The following TRDMT1 variants were observed in gnomAD, a reference collection of about 807,000 sequenced individuals.
TRDMT1 encodes tRNA (cytosine(38)-C(5))-methyltransferase.
A neutral mutation model predicts 51.2 loss-of-function variants in TRDMT1; 49 were observed. The observed-to-expected ratio is 0.96, with a 90% CI of 0.76 to 1.21. The LOEUF is 1.21. TRDMT1 is among the 50% of genes most tolerant of loss of function. The probability of loss-of-function intolerance (pLI) is 0.00; values close to 1 mark genes in which losing one functional copy is unlikely to be tolerated. For synonymous variants in TRDMT1, 187 were observed against 164.6 expected, an observed-to-expected ratio of 1.14 and a Z score of -1.04; for missense variants, 534 against 462.3, an observed-to-expected ratio of 1.16 and a Z score of -1.42.
rs1294012740 is a variant in TRDMT1 at position 17,137,804 on chromosome 10, T to C, written c.*11236A>G. 1.4e-5 allele frequency among the ~76,000 whole-genome samples: 2 copies of C among 144,466 alleles called. No homozygotes were observed. The highest frequency in any genetic ancestry group is 5.2e-5 in the African/African-American group (2 of 38,168). The allele number at this position is 144,466 out of a possible 152,430, so 94.8% of individuals were successfully genotyped here. A position where few individuals can be genotyped will look rare whatever the true frequency, so the allele number is the denominator to read the frequency against. On this transcript the variant is annotated 3_prime_UTR_variant, in exon 11 of 11. Coordinates refer to ENST00000377799, the MANE Select transcript of TRDMT1 (RefSeq NM_004412.7). ...AGCCGAGAGCCACTGCACTCCAGCC[T>C]GGGTGACAGAGCGAAACTCTGCCAA...
intron 1 of TRDMT1, among the ~76,000 whole-genome samples, chr10:17,198,828 T>G (rs775405954): frequency 6.6e-6 from 1 of 152,222 alleles, no homozygotes; most frequent in Non-Finnish European, 1.5e-5. Context: ...AATAAAAAAA[T>G]TCCATTATGA....
Position 17,174,411 on chromosome 10 carries a change from A to G in TRDMT1, c.174+140T>C, listed in dbSNP as rs1842398900. 21 of 569,462 alleles carry G rather than the reference A, an allele frequency of 3.7e-5. 1 individual carries two copies. The East Asian group carries it at 6.3e-4, about 17-fold the overall frequency. The allele number at this position is 569,462 out of a possible 1,614,324, so 35.3% of individuals were successfully genotyped here. ...ATGCTATCTTCTGATAGGATATAAA[A>G]TGTTAATCTCCTTCTCCTGAACTCT... is the stretch of plus-strand genomic sequence containing the variant. On this transcript the variant is annotated intron_variant, in intron 2 of 10. Transcript: ENST00000377799.
At chr10:17,155,627 A>C (rs999958620) in intron 8 of TRDMT1, among the ~76,000 whole-genome samples, 6 of 152,170 alleles carry the variant, frequency 3.9e-5, no homozygotes, top group African/African-American at 1.2e-4. Flanking sequence ...AGTATAAAAC[A>C]CTTCAGAAAT....
intron 1 of TRDMT1, among the ~76,000 whole-genome samples, chr10:17,180,710 T>C (rs1309019753): frequency 6.6e-6 from 1 of 152,170 alleles, no homozygotes; most frequent in East Asian, 1.9e-4. Flanking sequence ...TTAGGTGAAA[T>C]AGTGCCGTGC....
At position 17,162,377 on chromosome 10, in the gene TRDMT1, G is replaced by C. The variant is rs532567503; in HGVS notation, c.252-140C>G. The C allele has an allele frequency of 5.1e-5, 37 of 726,286 alleles. No individual in the cohort carries two copies. The South Asian group carries it at 6.5e-4, about 13-fold the overall frequency. The allele number at this position is 726,286 out of a possible 1,614,324, so 45.0% of individuals were successfully genotyped here. A position where few individuals can be genotyped will look rare whatever the true frequency, so the allele number is the denominator to read the frequency against. On this transcript the variant is annotated intron_variant, in intron 3 of 10. Coordinates refer to ENST00000377799, the MANE Select transcript of TRDMT1 (RefSeq NM_004412.7). Reference sequence around the variant, plus strand: ...CCTCACAAAAAATAGGGTCATCTTTGTTGTTACAGAGAAGAAAATACATTT... The same window carrying C: ...CCTCACAAAAAATAGGGTCATCTTTCTTGTTACAGAGAAGAAAATACATTT...
Position 17,153,496 on chromosome 10 carries a change from A to T in TRDMT1, c.1075+11T>A. 6.2e-7 allele frequency: 1 copy of T among 1,613,700 alleles called. No homozygotes were observed. Among genetic ancestry groups the T allele is most frequent in the Non-Finnish European group, 8.5e-7 (1 of 1,179,854 alleles). On this transcript the variant is annotated intron_variant, in intron 10 of 10. Coordinates refer to ENST00000377799, the MANE Select transcript of TRDMT1 (RefSeq NM_004412.7). ...TACATGAAAGCTGAATTCTGCACGT[A>T]TCCCACATACCGAACTCTGGAGGAA...
intron 7 of TRDMT1, among the ~76,000 whole-genome samples, chr10:17,158,095 G>A (rs1179155993): frequency 6.6e-6 from 1 of 151,932 alleles, no homozygotes; most frequent in Non-Finnish European, 1.5e-5. Context: ...ATCTTATTTG[G>A]AAAAGAAGTT....
At chr10:17,168,565 C>A (rs1841523826) in intron 3 of TRDMT1, among the ~76,000 whole-genome samples, 1 of 152,078 alleles carries the variant, frequency 6.6e-6, no homozygotes, top group Non-Finnish European at 1.5e-5. Flanking sequence ...ATCATGGGGG[C>A]AGGTCTCTGC....
intron 5 of TRDMT1, 46 bp from the exon 6 acceptor site, chr10:17,160,420 T>C: frequency 1.5e-6 from 2 of 1,304,944 alleles, no homozygotes; most frequent in South Asian, 1.5e-5. Context: ...GGAAAGGCAG[T>C]TCTTATTTAA....
rs754409225 is a variant in TRDMT1 at position 17,147,298 on chromosome 10, T to G, written c.*1742A>C. The G allele has an allele frequency of 4.1e-6, 4 of 985,644 alleles. No individual in the cohort carries two copies. Among genetic ancestry groups the G allele is most frequent in the Non-Finnish European group, 4.8e-6 (4 of 829,890 alleles). 61.1% of individuals were successfully genotyped at this position (985,644 alleles called of 1,614,324 possible). A position where few individuals can be genotyped will look rare whatever the true frequency, so the allele number is the denominator to read the frequency against. On this transcript the variant is annotated 3_prime_UTR_variant, in exon 11 of 11. Coordinates refer to ENST00000377799, the MANE Select transcript of TRDMT1 (RefSeq NM_004412.7). ...ATATGAAAAATGTAGATAGTGATAG[T>G]TTCTGTATATGGGCTGGCTTACAGC...
Position 17,141,860 on chromosome 10 carries a change from T to C in TRDMT1, c.*7180A>G, listed in dbSNP as rs998434305. Among the ~76,000 whole-genome samples, 19 of 152,376 alleles carry C rather than the reference T, an allele frequency of 1.2e-4. No homozygotes were observed. Among genetic ancestry groups the C allele is most frequent in the African/African-American group, 3.8e-4 (16 of 41,590 alleles). ...CCAAGACACATCATAATTAAATTTC[T>C]GAAAATAAAGTTAATGTAACAGACA... On this transcript the variant is annotated 3_prime_UTR_variant, in exon 11 of 11. Coordinates refer to ENST00000377799, the MANE Select transcript of TRDMT1 (RefSeq NM_004412.7).
chr10:17,148,716 T>C lies in TRDMT1; in HGVS notation c.*324A>G. On this transcript the variant is annotated 3_prime_UTR_variant, in exon 11 of 11. Coordinates refer to ENST00000377799, the MANE Select transcript of TRDMT1 (RefSeq NM_004412.7). ...ATGCCTGTTATGACACTTCACAAGA[T>C]ACTCATGTAGACACTAAAGCTCTAG... 1.0e-6 allele frequency: 1 copy of C among 994,994 alleles called. No homozygotes were observed. The highest frequency in any genetic ancestry group is 1.2e-6 in the Non-Finnish European group (1 of 836,106). 61.6% of individuals were successfully genotyped at this position (994,994 alleles called of 1,614,324 possible). A position where few individuals can be genotyped will look rare whatever the true frequency, so the allele number is the denominator to read the frequency against.
chr10:17,198,009 G>C (rs1845677159), intron 1 of TRDMT1, among the ~76,000 whole-genome samples: 1 of 151,386 alleles, frequency 6.6e-6, no homozygotes, highest in Non-Finnish European at 1.5e-5. Flanking sequence ...ACTCCAGCCT[G>C]GGCAAGAAGA....
In TRDMT1 at chr10:17,143,789, T is replaced by G. The variant is rs1301883232; in HGVS notation, c.*5251A>C. 87 of 985,266 alleles carry G rather than the reference T, an allele frequency of 8.8e-5. No homozygotes were observed. The highest frequency in any genetic ancestry group is 1.0e-4 in the Non-Finnish European group (85 of 829,936). 61.0% of individuals were successfully genotyped at this position (985,266 alleles called of 1,614,324 possible). On this transcript the variant is annotated 3_prime_UTR_variant, in exon 11 of 11. Coordinates refer to ENST00000377799, the MANE Select transcript of TRDMT1 (RefSeq NM_004412.7). ...ATGGAATGCAGAGTGAGAAGGAAGG[T>G]GAAGATGATCTTTGGTTATGAAGCT...
At chr10:17,198,093 C>A (rs1231824231) in intron 1 of TRDMT1, among the ~76,000 whole-genome samples, 1 of 151,432 alleles carries the variant, frequency 6.6e-6, no homozygotes, top group Admixed American at 6.6e-5. Flanking sequence ...TAAGAAAATG[C>A]AAATCAAAAC....
intron 1 of TRDMT1, among the ~76,000 whole-genome samples, chr10:17,195,012 T>C (rs544776640): frequency 1.3e-5 from 2 of 149,370 alleles, no homozygotes; most frequent in Admixed American, 1.3e-4. Context: ...TTATGCACTG[T>C]TGATGGGAAT....
At chr10:17,169,440 G>A (rs1240290624) in intron 2 of TRDMT1, 2 of 1,289,158 alleles carry the variant, frequency 1.6e-6, no homozygotes, top group Admixed American at 4.6e-5. Flanking sequence ...ATTTTGTTTT[G>A]CAGTTGTGTG....
intron 4 of TRDMT1, 131 bp downstream of exon 4, chr10:17,162,035 T>C: frequency 1.3e-6 from 1 of 782,088 alleles, no homozygotes; most frequent in Non-Finnish European, 2.2e-6. Flanking sequence ...TAGGAGAAGA[T>C]AAATGACAGG....
intron 7 of TRDMT1, among the ~76,000 whole-genome samples, chr10:17,158,239 T>A (rs544858114): frequency 6.6e-6 from 1 of 152,244 alleles, no homozygotes; most frequent in South Asian, 2.1e-4. Context: ...AAAAGCGGTT[T>A]TCACTGTGAA....
Sources: allele counts gnomAD v4.1 joint callset (sites outside exome capture counted in the v4.1 genomes callset), GRCh38; gene constraint gnomAD v4.1.1; transcripts MANE v1.5; gene names NCBI Gene and HGNC (gene_info 2026-07-23, HGNC 2026-07-21).